The following GDPD4 variants were observed in gnomAD, a reference collection of about 807,000 sequenced individuals.
GDPD4 encodes glycerophosphodiester phosphodiesterase 6.
Under a neutral mutation model 67.8 loss-of-function variants are expected in GDPD4, and 60 were observed. The observed-to-expected ratio is 0.88, with a 90% CI of 0.72 to 1.10. The LOEUF (loss-of-function observed/expected upper bound fraction) is 1.10, where lower values mean the gene tolerates loss of function less well. Among genes scored for constraint, GDPD4 ranks in the 50% least tolerant of loss-of-function variants. The pLI is 0.00. For synonymous variants in GDPD4, 212 were observed against 210.9 expected, an observed-to-expected ratio of 1.00 and a Z score of -0.04; for missense variants, 623 against 613.9, an observed-to-expected ratio of 1.01 and a Z score of -0.16.
chr11:77,295,939 A>G (rs1205048951), intron 1 of GDPD4, among the ~76,000 whole-genome samples: 1 of 152,130 alleles, frequency 6.6e-6, no homozygotes, highest in South Asian at 2.1e-4. Flanking sequence ...ATTTTAGTGT[A>G]TGCAAATTTT....
In GDPD4 at chr11:77,280,439, T is replaced by C. The variant is rs142644395; in HGVS notation, c.54-1040A>G. Among the ~76,000 whole-genome samples the C allele has an allele frequency of 4.6e-3, 692 of 150,320 alleles. 9 individuals carry two copies. The highest frequency in any genetic ancestry group is 0.016 in the African/African-American group (646 of 41,288). ...ATTTTCGAAATTAAAAAAAAAAACA[T>C]GAAATCTGGCCTTAATAGCACTCTA... On this transcript the variant is annotated intron_variant, in intron 3 of 16. Coordinates refer to ENST00000315938, the MANE Select transcript of GDPD4 (RefSeq NM_182833.3).
chr11:77,286,555 G>T (rs1387732440), intron 2 of GDPD4, among the ~76,000 whole-genome samples: 1 of 152,074 alleles, frequency 6.6e-6, no homozygotes, highest in Non-Finnish European at 1.5e-5. Flanking sequence ...TGACCCAACT[G>T]GTCTGATTCT....
intron 16 of GDPD4, among the ~76,000 whole-genome samples, chr11:77,221,011 T>C (rs1379517487): frequency 1.3e-5 from 2 of 152,236 alleles, no homozygotes; most frequent in African/African-American, 2.4e-5. Flanking sequence ...AATTTATCCA[T>C]TTCTTCTAGA....
At chr11:77,266,684 G>A (rs1348404723) in intron 10 of GDPD4, among the ~76,000 whole-genome samples, 2 of 152,106 alleles carry the variant, frequency 1.3e-5, no homozygotes, top group Non-Finnish European at 2.9e-5. Flanking sequence ...TGATATGAAC[G>A]ATCCTGACCC....
intron 15 of GDPD4, 129 bp downstream of exon 15, chr11:77,229,021 A>T: frequency 1.8e-6 from 1 of 558,768 alleles, no homozygotes; most frequent in Non-Finnish European, 3.2e-6. Flanking sequence ...ATGAGAAGAG[A>T]GATTCAGATT....
At chr11:77,273,035 G>C (rs1959291249) in intron 5 of GDPD4, among the ~76,000 whole-genome samples, 1 of 151,958 alleles carries the variant, frequency 6.6e-6, no homozygotes, top group South Asian at 2.1e-4. Flanking sequence ...TATATTCCAG[G>C]TTTGTTTACA....
At chr11:77,300,319 C>G (rs929204618) in intron 1 of GDPD4, among the ~76,000 whole-genome samples, 2 of 152,158 alleles carry the variant, frequency 1.3e-5, no homozygotes, top group African/African-American at 4.8e-5. Context: ...AACCCCTTCC[C>G]CTCCCTTGTC....
intron 13 of GDPD4, among the ~76,000 whole-genome samples, chr11:77,241,098 A>T (rs1011277634): frequency 2.2e-4 from 34 of 152,360 alleles, no homozygotes; most frequent in Non-Finnish European, 4.6e-4. Context: ...AAGGAAGTGA[A>T]ATCAATATGT....
chr11:77,266,203 G>T (rs577156443), intron 10 of GDPD4, among the ~76,000 whole-genome samples: 4 of 152,232 alleles, frequency 2.6e-5, no homozygotes, highest in East Asian at 1.9e-4. Context: ...GGGGTGTATG[G>T]TAAGTATATA....
At chr11:77,296,228 G>A (rs1284673110) in intron 1 of GDPD4, among the ~76,000 whole-genome samples, 2 of 142,062 alleles carry the variant, frequency 1.4e-5, no homozygotes, top group East Asian at 2.1e-4. Flanking sequence ...TCCAGCCTGC[G>A]GGACAGAGCA....
At chr11:77,237,944 T>C (rs2135836881) in intron 13 of GDPD4, among the ~76,000 whole-genome samples, 1 of 152,232 alleles carries the variant, frequency 6.6e-6, no homozygotes, top group South Asian at 2.1e-4. Flanking sequence ...CAAATAAGTT[T>C]ATAGCTTTAA....
intron 4 of GDPD4, 27 bp downstream of exon 4, chr11:77,279,279 G>T: frequency 1.4e-6 from 2 of 1,444,530 alleles, no homozygotes; most frequent in Non-Finnish European, 2.0e-6. Flanking sequence ...CAGGAAGGGA[G>T]TGGAAGAAAT....
chr11:77,253,912 G>A (rs1311071418), intron 11 of GDPD4, among the ~76,000 whole-genome samples: 1 of 152,188 alleles, frequency 6.6e-6, no homozygotes, highest in Admixed American at 6.5e-5. Context: ...CAAGGGTACA[G>A]GGGGAGGGGT....
chr11:77,279,275 G>A (rs1278142919), intron 4 of GDPD4, 31 bp downstream of exon 4: 1 of 1,395,306 alleles, frequency 7.2e-7, no homozygotes, highest in Non-Finnish European at 1.0e-6. Context: ...TACTCAGGAA[G>A]GGAGTGGAAG....
At chr11:77,252,888 T>C (rs1297345564) in intron 11 of GDPD4, among the ~76,000 whole-genome samples, 1 of 152,232 alleles carries the variant, frequency 6.6e-6, no homozygotes, top group African/African-American at 2.4e-5. Flanking sequence ...CAAATGCTTT[T>C]GGTGTTCTCC....
chr11:77,238,667 T>C (rs994630202), intron 13 of GDPD4, among the ~76,000 whole-genome samples: 9 of 151,308 alleles, frequency 5.9e-5, no homozygotes, highest in Non-Finnish European at 1.0e-4. Context: ...ACATTAAAAA[T>C]AGACCAATAA....
intron 13 of GDPD4, among the ~76,000 whole-genome samples, chr11:77,237,372 T>A (rs1041518753): frequency 6.6e-6 from 1 of 152,202 alleles, no homozygotes; most frequent in African/African-American, 2.4e-5. Flanking sequence ...TGCAATCTAA[T>A]CCTTTGTATT....
intron 1 of GDPD4, among the ~76,000 whole-genome samples, chr11:77,298,978 A>C (rs1938071990): frequency 6.6e-6 from 1 of 152,114 alleles, no homozygotes; most frequent in African/African-American, 2.4e-5. Context: ...TCTGATGAGA[A>C]TTTATGGTTT....
chr11:77,256,654 G>A (rs544167218), intron 11 of GDPD4, among the ~76,000 whole-genome samples: 2 of 152,264 alleles, frequency 1.3e-5, no homozygotes. Flanking sequence ...GATCCCTTAT[G>A]AATGATTTGG....
Sources: gnomAD v4.1 joint callset for allele counts (sites outside exome capture counted in the v4.1 genomes callset) on GRCh38, gnomAD v4.1.1 for gene constraint, MANE v1.5 for transcripts, NCBI Gene and HGNC (gene_info 2026-07-23, HGNC 2026-07-21) for gene names.